AFF3: variants seen among roughly 807,000 people sequenced by gnomAD.
AFF3 encodes AF4/FMR2 family member 3.
In AFF3, 32 loss-of-function variants were observed where a neutral mutation model predicts 129.7. That is an observed-to-expected ratio of 0.25 (90% CI 0.19 to 0.33). The LOEUF (loss-of-function observed/expected upper bound fraction) is 0.33. Ranked by LOEUF, AFF3 falls within the 10% of genes least tolerant of loss-of-function variation. AFF3 has a pLI of 1.00. For synonymous variants in AFF3, 644 were observed against 635.4 expected (o/e 1.01, Z -0.20); for missense variants, 1,373 against 1,592.0 (o/e 0.86, Z 2.34).
At chr2:100,007,564 C>T in intron 5 of AFF3, 104 bp from the exon 6 acceptor site, 1 of 1,046,212 alleles carries the variant, frequency 9.6e-7, no homozygotes, top group Non-Finnish European at 1.4e-6. Context: ...TTGTCACATG[C>T]AGAATGAGAG....
At chr2:100,125,468 G>A (rs1295415588) in intron 2 of AFF3, among the ~76,000 whole-genome samples, 1 of 152,132 alleles carries the variant, frequency 6.6e-6, no homozygotes, top group South Asian at 2.1e-4. Flanking sequence ...TTTGTTCAAC[G>A]TTGTATCCCT....
rs904551630 is a variant in AFF3 at position 99,931,294 on chromosome 2, G to A, written c.873+75338C>T. 2.0e-5 allele frequency among the ~76,000 whole-genome samples: 3 copies of A among 152,370 alleles called. No individual in the cohort carries two copies. In the South Asian group the frequency reaches 6.2e-4, roughly 32 times the overall value. On this transcript the variant is annotated intron_variant, in intron 7 of 24. Coordinates refer to ENST00000672756, the MANE Select transcript of AFF3 (RefSeq NM_001386135.1). The stretch of plus-strand genomic sequence containing the variant: ...CTGGAGATGTCAAGAAAAGTGAGCT[G>A]CTTTCTCTGCAGGAAAGCCAAAGAA...
chr2:99,608,072 C>T (rs1680552648), intron 13 of AFF3, among the ~76,000 whole-genome samples: 1 of 152,178 alleles, frequency 6.6e-6, no homozygotes, highest in African/African-American at 2.4e-5. Flanking sequence ...GCTTTTGAAG[C>T]TCTTCAGGGT....
At chr2:99,959,339 C>CAAAAA (rs34083581) in intron 7 of AFF3, among the ~76,000 whole-genome samples, 11 of 66,930 alleles carry the variant, frequency 1.6e-4, no homozygotes, top group East Asian at 3.5e-4. Flanking sequence ...AAGAGTCTGC[C>CAAAAA]AAAAAAAAAA....
At chr2:99,892,782 GC>G (rs1444037350) in intron 7 of AFF3, among the ~76,000 whole-genome samples, 1 of 152,194 alleles carries the variant, frequency 6.6e-6, no homozygotes, top group Non-Finnish European at 1.5e-5. Context: ...AGCACTGCAG[GC>G]CCTGACTGCT....
At chr2:100,016,404 G>A (rs937469873) in intron 4 of AFF3, among the ~76,000 whole-genome samples, 3 of 148,368 alleles carry the variant, frequency 2.0e-5, no homozygotes, top group African/African-American at 5.0e-5. Context: ...TGATGGCAGC[G>A]ATGGTCATGG....
At position 99,895,937 on chromosome 2, in the gene AFF3, C is replaced by T. The variant is rs1375675387; in HGVS notation, c.874-58413G>A. On this transcript the variant is annotated intron_variant, in intron 7 of 24. Transcript: ENST00000672756. Reference sequence around the variant, plus strand: ...TACAAAAATTAGCCAGGCATGGTGGCACACGCCTGTAGTCCCAGCTACTTG... The same window carrying T: ...TACAAAAATTAGCCAGGCATGGTGGTACACGCCTGTAGTCCCAGCTACTTG... Among the ~76,000 whole-genome samples, 3 of 151,848 alleles carry T rather than the reference C, an allele frequency of 2.0e-5. 1 individual carries two copies. Among genetic ancestry groups the T allele is most frequent in the Middle Eastern group, 6.3e-3 (2 of 316 alleles).
intron 7 of AFF3, among the ~76,000 whole-genome samples, chr2:99,984,977 G>C (rs1679737069): frequency 6.6e-6 from 1 of 152,132 alleles, no homozygotes; most frequent in Non-Finnish European, 1.5e-5. Flanking sequence ...AGGCAAAAAT[G>C]AGTAAATCAG....
At chr2:99,886,859 A>C (rs62147648) in intron 7 of AFF3, among the ~76,000 whole-genome samples, 6,267 of 152,282 alleles carry the variant, frequency 0.041, 142 homozygotes, top group African/African-American at 0.058. Context: ...ACTTTCTTAA[A>C]GTTTTATTTT....
chr2:100,063,484 T>C (rs1687469901), intron 4 of AFF3, among the ~76,000 whole-genome samples: 1 of 151,946 alleles, frequency 6.6e-6, no homozygotes. Context: ...CTATGATTAT[T>C]GAAATAAAAA....
chr2:99,959,622 A>AG (rs1229763306), intron 7 of AFF3, among the ~76,000 whole-genome samples: 3 of 151,030 alleles, frequency 2.0e-5, no homozygotes, highest in African/African-American at 7.3e-5. Flanking sequence ...CTTTTAGTCC[A>AG]GCACATTGCA....
chr2:99,858,800 A>G (rs1690731996), intron 7 of AFF3, among the ~76,000 whole-genome samples: 1 of 152,222 alleles, frequency 6.6e-6, no homozygotes, highest in Non-Finnish European at 1.5e-5. Flanking sequence ...ACTAAAGGGT[A>G]TAGGCTTAAT....
intron 7 of AFF3, among the ~76,000 whole-genome samples, chr2:99,925,448 C>G (rs1696160940): frequency 6.6e-6 from 1 of 152,164 alleles, no homozygotes; most frequent in Non-Finnish European, 1.5e-5. Context: ...GTCAATTACT[C>G]TTGAGCTCTT....
At chr2:100,104,320 C>T in intron 4 of AFF3, 82 bp downstream of exon 4, 4 of 475,122 alleles carry the variant, frequency 8.4e-6, no homozygotes, top group Non-Finnish European at 1.1e-5. Context: ...CCGGAGCCCC[C>T]GGCCCAGGTG....
At chr2:100,025,454 TG>T (rs1396451285) in intron 4 of AFF3, among the ~76,000 whole-genome samples, 1 of 152,134 alleles carries the variant, frequency 6.6e-6, no homozygotes, top group Non-Finnish European at 1.5e-5. Flanking sequence ...GCATCAATAT[TG>T]TTAAAATGAC....
intron 13 of AFF3, among the ~76,000 whole-genome samples, chr2:99,606,485 A>T (rs1455114528): frequency 1.3e-5 from 2 of 152,206 alleles, no homozygotes; most frequent in Non-Finnish European, 2.9e-5. Context: ...CCTGGCACAT[A>T]ATAAGCGTTC....
rs908261149 is a variant in AFF3, at chr2:99,710,099, T to G, written c.1091+16978A>C. On this transcript the variant is annotated intron_variant, in intron 11 of 24. Transcript: ENST00000672756. ...TACAATGGGATATTCTAATGTTGTC[T>G]CCTTTCTGAGTTGCTATAAAGATTC... Among the ~76,000 whole-genome samples the G allele has an allele frequency of 3.9e-5, 6 of 152,340 alleles. 1 individual carries two copies. The South Asian group carries it at 6.2e-4, about 16-fold the overall frequency.
intron 7 of AFF3, among the ~76,000 whole-genome samples, chr2:100,004,751 T>C (rs932338609): frequency 2.6e-5 from 4 of 152,182 alleles, no homozygotes; most frequent in African/African-American, 7.2e-5. Context: ...CATGTTTTTA[T>C]TGTGGGAGTG....
intron 8 of AFF3, among the ~76,000 whole-genome samples, chr2:99,769,602 T>C (rs558381059): frequency 3.3e-5 from 5 of 152,330 alleles, no homozygotes; most frequent in African/African-American, 1.2e-4. Context: ...CTTATTGTAG[T>C]CTTTGCAGTC....
Sources: gnomAD v4.1 joint callset for allele counts (sites outside exome capture counted in the v4.1 genomes callset) on GRCh38, gnomAD v4.1.1 for gene constraint, MANE v1.5 for transcripts, NCBI Gene and HGNC (gene_info 2026-07-23, HGNC 2026-07-21) for gene names.